LDAH: variants seen among roughly 807,000 people sequenced by gnomAD.
The protein encoded by LDAH is lipid droplet associated hydrolase.
LDAH carries 26 observed loss-of-function variants against 29.6 expected under a neutral mutation model. That is an observed-to-expected ratio of 0.88 (90% CI 0.64 to 1.22). The LOEUF (loss-of-function observed/expected upper bound fraction) is 1.22. Among genes scored for constraint, LDAH ranks in the 50% most tolerant of loss-of-function variants. LDAH has a pLI of 0.00. For synonymous variants in LDAH, 117 were observed against 133.0 expected, an observed-to-expected ratio of 0.88 and a Z score of 0.83; for missense variants, 344 against 387.3, an observed-to-expected ratio of 0.89 and a Z score of 0.94.
At chr2:20,768,810 C>A (rs113679547) in intron 4 of LDAH, among the ~76,000 whole-genome samples, 1 of 152,206 alleles carries the variant, frequency 6.6e-6, no homozygotes, top group African/African-American at 2.4e-5. Context: ...TTATCCCTTA[C>A]ACTGTCTTCA....
intron 1 of LDAH, among the ~76,000 whole-genome samples, chr2:20,803,383 T>C (rs1390474512): frequency 2.6e-5 from 4 of 152,108 alleles, no homozygotes; most frequent in African/African-American, 4.8e-5. Flanking sequence ...CCTCAAACCA[T>C]ATGCACCGGC....
intron 5 of LDAH, among the ~76,000 whole-genome samples, chr2:20,737,425 C>G (rs990144576): frequency 3.9e-5 from 6 of 152,056 alleles, no homozygotes; most frequent in African/African-American, 1.2e-4. Flanking sequence ...TGACAAAAAG[C>G]AACAAGGGGC....
At chr2:20,729,595 G>C (rs1229010780) in intron 5 of LDAH, among the ~76,000 whole-genome samples, 1 of 152,172 alleles carries the variant, frequency 6.6e-6, no homozygotes, top group African/African-American at 2.4e-5. Flanking sequence ...CAGGATGAGG[G>C]GAACACCTAT....
At chr2:20,769,010 G>A (rs1669234282) in intron 4 of LDAH, among the ~76,000 whole-genome samples, 1 of 152,078 alleles carries the variant, frequency 6.6e-6, no homozygotes, top group Non-Finnish European at 1.5e-5. Context: ...CCCTAGCCCA[G>A]CTTTTTGTCC....
chr2:20,698,629 G>A lies in LDAH; in HGVS notation c.786+2941C>T, dbSNP rs1277273613. Among the ~76,000 whole-genome samples the A allele has an allele frequency of 1.3e-5, 2 of 152,034 alleles. No homozygotes were observed. The highest frequency in any genetic ancestry group is 4.8e-5 in the African/African-American group (2 of 41,358). On this transcript the variant is annotated intron_variant, in intron 6 of 6. Transcript: ENST00000237822. The surrounding 1 kb of genome is among the most constrained non-coding windows in gnomAD (Gnocchi z 4.4). ...CGGGAAGTGGAGGTTGCAGTGAGCC[G>A]AGATCGTGCCACTGCACTCTAGCCT... is the stretch of plus-strand genomic sequence containing the variant.
At chr2:20,800,961 T>C (rs1041526718) in intron 2 of LDAH, among the ~76,000 whole-genome samples, 1 of 152,156 alleles carries the variant, frequency 6.6e-6, no homozygotes, top group Admixed American at 6.5e-5. Flanking sequence ...TATAATCATG[T>C]TGAAATGAGG....
At chr2:20,784,616 G>A (rs1425538258) in intron 3 of LDAH, among the ~76,000 whole-genome samples, 3 of 151,928 alleles carry the variant, frequency 2.0e-5, no homozygotes, top group Non-Finnish European at 4.4e-5. Context: ...TGGGCACAGT[G>A]GCTCATGCCT....
At chr2:20,752,670 A>G (rs1668047649) in intron 4 of LDAH, among the ~76,000 whole-genome samples, 1 of 152,228 alleles carries the variant, frequency 6.6e-6, no homozygotes, top group Non-Finnish European at 1.5e-5. Context: ...GCTGTAACAA[A>G]TTGCTACAAA....
chr2:20,800,638 T>TA (rs1470914358), intron 2 of LDAH, among the ~76,000 whole-genome samples: 5 of 150,628 alleles, frequency 3.3e-5, no homozygotes, highest in Admixed American at 6.6e-5. Context: ...TTTTATTTTT[T>TA]TAAATATTTT....
At chr2:20,780,728 C>T (rs963615700) in intron 3 of LDAH, among the ~76,000 whole-genome samples, 2 of 152,190 alleles carry the variant, frequency 1.3e-5, no homozygotes, top group Admixed American at 6.5e-5. Context: ...TCTGTCTGCC[C>T]TGGGACTCTT....
chr2:20,730,741 T>C (rs916632294), intron 5 of LDAH, among the ~76,000 whole-genome samples: 1 of 152,116 alleles, frequency 6.6e-6, no homozygotes, highest in African/African-American at 2.4e-5. Flanking sequence ...TTCTCCTTCT[T>C]CTTTTTTTCT....
chr2:20,820,248 G>A (rs959764887), intron 1 of LDAH, among the ~76,000 whole-genome samples: 1 of 151,686 alleles, frequency 6.6e-6, no homozygotes, highest in African/African-American at 2.4e-5. Context: ...TTTCTTCATG[G>A]AATTGGAAAA....
Position 20,801,753 on chromosome 2 carries a change from A to T in LDAH, c.-2-288T>A, listed in dbSNP as rs1324049763. Among the ~76,000 whole-genome samples the T allele has an allele frequency of 9.2e-5, 14 of 152,302 alleles. No homozygotes were observed. The South Asian group carries it at 2.7e-3, about 29-fold the overall frequency. ...GTAACTTCCACAAATTCCCTCTGCT[A>T]GAATTCTCTTTTAGCTCTGTGCATT... On this transcript the variant is annotated intron_variant, in intron 1 of 6. Transcript: ENST00000237822.
intron 5 of LDAH, among the ~76,000 whole-genome samples, chr2:20,707,255 C>T (rs1395817104): frequency 6.6e-6 from 1 of 152,182 alleles, no homozygotes; most frequent in African/African-American, 2.4e-5. Flanking sequence ...ACTAAACCTG[C>T]TCAGCTGCCT....
chr2:20,786,754 G>T lies in LDAH; in HGVS notation c.298+3501C>A, dbSNP rs566808517. ...CAGTGGGCCTGAATGCCTGTGCTGT[G>T]ATCTTCAAAAGTTTTTGTCATCTTT... On this transcript the variant is annotated intron_variant, in intron 3 of 6. Coordinates refer to ENST00000237822, the MANE Select transcript of LDAH (RefSeq NM_021925.4). Among the ~76,000 whole-genome samples, 3 of 152,268 alleles carry T rather than the reference G, an allele frequency of 2.0e-5. No individual in the cohort carries two copies. The South Asian group carries it at 6.2e-4, about 32-fold the overall frequency.
chr2:20,748,964 A>T (rs1667771417), intron 4 of LDAH, among the ~76,000 whole-genome samples: 1 of 152,164 alleles, frequency 6.6e-6, no homozygotes, highest in Non-Finnish European at 1.5e-5. Flanking sequence ...TAAAAACCCC[A>T]ATATTTAAAA....
chr2:20,794,757 A>G (rs992679687), intron 2 of LDAH, among the ~76,000 whole-genome samples: 11 of 152,344 alleles, frequency 7.2e-5, no homozygotes, highest in African/African-American at 2.6e-4. Flanking sequence ...CTTTAAAAGT[A>G]GCCATCACTT....
intron 3 of LDAH, among the ~76,000 whole-genome samples, chr2:20,782,950 A>T (rs1401545093): frequency 1.3e-5 from 2 of 152,166 alleles, no homozygotes; most frequent in African/African-American, 4.8e-5. Flanking sequence ...TAATACATGC[A>T]GTCAATGCTA....
intron 5 of LDAH, among the ~76,000 whole-genome samples, chr2:20,712,877 T>C (rs1311211209): frequency 6.6e-6 from 1 of 152,018 alleles, no homozygotes; most frequent in African/African-American, 2.4e-5. Flanking sequence ...CTCCAAGAAA[T>C]ATGGGACTAT....
Sources: allele counts gnomAD v4.1 joint callset (sites outside exome capture counted in the v4.1 genomes callset), GRCh38; gene constraint gnomAD v4.1.1; non-coding constraint Gnocchi (gnomAD v3.1); transcripts MANE v1.5; gene names NCBI Gene and HGNC (gene_info 2026-07-23, HGNC 2026-07-21).